NLGN4Y: variants seen among roughly 807,000 people sequenced by gnomAD.
NLGN4Y encodes neuroligin 4 Y-linked.
Under a neutral mutation model 8.4 loss-of-function variants are expected in NLGN4Y, and 4 were observed. The observed-to-expected ratio is 0.48, with a 90% confidence interval of 0.23 to 1.09. The LOEUF (loss-of-function observed/expected upper bound fraction) is 1.09. Among genes scored for constraint, NLGN4Y ranks in the 50% least tolerant of loss-of-function variants. The probability of loss-of-function intolerance (pLI) is 0.19; values close to 1 mark genes in which losing one functional copy is unlikely to be tolerated. For missense variants in NLGN4Y, 90 were observed against 192.3 expected, an observed-to-expected ratio of 0.47 and a Z score of 3.15; for synonymous variants, 35 against 75.6, an observed-to-expected ratio of 0.46 and a Z score of 2.78.
chrY:14,662,067 T>C (rs2080676390), intron 2 of NLGN4Y, among the ~76,000 whole-genome samples: 2 of 34,314 alleles, frequency 5.8e-5, no homozygotes, highest in Admixed American at 5.2e-4. Context: ...TTAGGTTATC[T>C]GAATGAATGG....
At chrY:14,620,286 G>A in intron 1 of NLGN4Y, among the ~76,000 whole-genome samples, 1 of 33,770 alleles carries the variant, frequency 3.0e-5, no homozygotes. Flanking sequence ...AACCAAACAC[G>A]ACATCACTCT....
intron 2 of NLGN4Y, among the ~76,000 whole-genome samples, chrY:14,630,746 G>A: frequency 3.0e-5 from 1 of 33,308 alleles, no homozygotes; most frequent in African/African-American, 1.2e-4. Context: ...AACACTCTTG[G>A]GCACTTGGAG....
At chrY:14,561,810 T>G in intron 1 of NLGN4Y, among the ~76,000 whole-genome samples, 1 of 34,138 alleles carries the variant, frequency 2.9e-5, no homozygotes. Context: ...TTTGCATTTC[T>G]CTAATGACCA....
At chrY:14,590,059 C>G in intron 1 of NLGN4Y, among the ~76,000 whole-genome samples, 1 of 34,541 alleles carries the variant, frequency 2.9e-5, no homozygotes, top group African/African-American at 1.1e-4. Flanking sequence ...GGGCCAGCAG[C>G]GCTGGCCGGC....
chrY:14,655,446 A>T (rs2080647283), intron 2 of NLGN4Y, among the ~76,000 whole-genome samples: 1 of 30,427 alleles, frequency 3.3e-5, no homozygotes, highest in Non-Finnish European at 7.9e-5. Context: ...TTTTTCCTCC[A>T]TTTTTCATCC....
intron 4 of NLGN4Y, among the ~76,000 whole-genome samples, chrY:14,822,947 G>A (rs2043127954): frequency 3.0e-5 from 1 of 33,149 alleles, no homozygotes; most frequent in Non-Finnish European, 7.4e-5. Flanking sequence ...CCTCACAGTT[G>A]CAATACTGCC....
At chrY:14,674,064 T>C (rs771844071) in intron 2 of NLGN4Y, among the ~76,000 whole-genome samples, 3,135 of 29,929 alleles carry the variant, frequency 0.1, no homozygotes, top group Non-Finnish European at 0.18. Context: ...AGGGATAGCA[T>C]TGGGAGATAT....
At chrY:14,635,852 A>G in intron 2 of NLGN4Y, among the ~76,000 whole-genome samples, 1 of 32,074 alleles carries the variant, frequency 3.1e-5, no homozygotes, top group African/African-American at 1.2e-4. Context: ...TCAGCCTCCC[A>G]AAGTGCTGGG....
chrY:14,630,647 G>A, intron 2 of NLGN4Y, among the ~76,000 whole-genome samples: 1 of 33,113 alleles, frequency 3.0e-5, no homozygotes, highest in African/African-American at 1.2e-4. Flanking sequence ...CTCTGAAAAC[G>A]AAGTTCAGAG....
chrY:14,761,194 C>T, intron 4 of NLGN4Y, among the ~76,000 whole-genome samples: 3 of 33,822 alleles, frequency 8.9e-5, no homozygotes, highest in Admixed American at 2.7e-4. Flanking sequence ...TTTTCAAATC[C>T]AACTGGAAGC....
At chrY:14,789,851 C>G in intron 4 of NLGN4Y, among the ~76,000 whole-genome samples, 1 of 33,566 alleles carries the variant, frequency 3.0e-5, no homozygotes, top group Non-Finnish European at 7.4e-5. Flanking sequence ...AGGCTTTCAT[C>G]AGTATTTAAA....
intron 4 of NLGN4Y, among the ~76,000 whole-genome samples, chrY:14,786,382 G>T (rs1603504027): frequency 9.0e-5 from 3 of 33,352 alleles, no homozygotes; most frequent in South Asian, 6.8e-4. Flanking sequence ...CCTTGGCTTG[G>T]AGCAGCGGTG....
At chrY:14,583,832 C>T in intron 1 of NLGN4Y, among the ~76,000 whole-genome samples, 1 of 34,149 alleles carries the variant, frequency 2.9e-5, no homozygotes. Flanking sequence ...AAGGACCATG[C>T]GTTCAGTTGC....
chrY:14,794,531 T>C (rs776263174), intron 4 of NLGN4Y, among the ~76,000 whole-genome samples: 15 of 33,793 alleles, frequency 4.4e-4, no homozygotes, highest in African/African-American at 1.7e-3. Flanking sequence ...TTCACTGATA[T>C]GAGAAACCAC....
At chrY:14,582,588 T>C (rs2080322798) in intron 1 of NLGN4Y, among the ~76,000 whole-genome samples, 1 of 33,535 alleles carries the variant, frequency 3.0e-5, no homozygotes, top group African/African-American at 1.2e-4. Flanking sequence ...CATAGGGAGA[T>C]CCATCTCTTC....
At chrY:14,547,036 G>T (rs745786013) in intron 1 of NLGN4Y, among the ~76,000 whole-genome samples, 1 of 34,049 alleles carries the variant, frequency 2.9e-5, no homozygotes, top group Non-Finnish European at 7.3e-5. Flanking sequence ...TGAGATAATC[G>T]TGTGGTTTTT....
At chrY:14,649,841 G>A (rs2080623072) in intron 2 of NLGN4Y, among the ~76,000 whole-genome samples, 5 of 33,216 alleles carry the variant, frequency 1.5e-4, no homozygotes, top group Admixed American at 5.5e-4. Flanking sequence ...AAATGCCCAC[G>A]CATGCAGTGT....
At chrY:14,552,743 C>A in intron 1 of NLGN4Y, among the ~76,000 whole-genome samples, 1 of 33,246 alleles carries the variant, frequency 3.0e-5, no homozygotes, top group East Asian at 7.8e-4. Context: ...GCTAAAAATC[C>A]TCAATAAACT....
intron 2 of NLGN4Y, among the ~76,000 whole-genome samples, chrY:14,682,345 G>T: frequency 3.0e-5 from 1 of 33,482 alleles, no homozygotes; most frequent in African/African-American, 1.2e-4. Flanking sequence ...AAGAAACCAA[G>T]CTTTGTTTGT....
Sources: gnomAD v4.1 joint callset for allele counts (sites outside exome capture counted in the v4.1 genomes callset) on GRCh38, gnomAD v4.1.1 for gene constraint, MANE v1.5 for transcripts, NCBI Gene and HGNC (gene_info 2026-07-23, HGNC 2026-07-21) for gene names.